Variants in KAZN observed in about 807,000 individuals in gnomAD.
KAZN encodes the protein kazrin.
Under a neutral mutation model 87.4 loss-of-function variants are expected in KAZN, and 40 were observed. That is an observed-to-expected ratio of 0.46 (90% CI 0.36 to 0.60). The LOEUF is 0.60. Ranked by LOEUF, KAZN falls within the 20% of genes least tolerant of loss-of-function variation. KAZN has a pLI of 0.00. For synonymous variants in KAZN, 466 were observed against 458.3 expected (o/e 1.02, Z -0.22); for missense variants, 898 against 1,073.9 (o/e 0.84, Z 2.29).
intron 1 of KAZN, among the ~76,000 whole-genome samples, chr1:14,131,513 T>C (rs7542729): frequency 2.0e-5 from 3 of 151,738 alleles, no homozygotes; most frequent in Admixed American, 1.3e-4. Context: ...ACATTAGATA[T>C]ATGTTTTATT....
At chr1:15,003,523 A>G (rs1668710143) in intron 2 of KAZN, among the ~76,000 whole-genome samples, 1 of 152,228 alleles carries the variant, frequency 6.6e-6, no homozygotes, top group East Asian at 1.9e-4. Flanking sequence ...TTTTAAAAAT[A>G]AAGCAGAGGT....
chr1:15,043,688 G>C (rs1041240473), intron 3 of KAZN, among the ~76,000 whole-genome samples: 2 of 136,252 alleles, frequency 1.5e-5, no homozygotes, highest in Non-Finnish European at 3.0e-5. Context: ...CTGTCGCCCA[G>C]GCTGGAGTGC....
intron 2 of KAZN, among the ~76,000 whole-genome samples, chr1:14,450,185 G>A (rs115487020): frequency 0.012 from 1,751 of 152,112 alleles, 45 homozygotes; most frequent in African/African-American, 0.038. Flanking sequence ...TTTCTTGGCC[G>A]GTCTTCATCC....
intron 1 of KAZN, among the ~76,000 whole-genome samples, chr1:14,827,534 T>C (rs553192120): frequency 6.6e-6 from 1 of 152,262 alleles, no homozygotes; most frequent in Non-Finnish European, 1.5e-5. Context: ...GGGCAGGGAT[T>C]TTATTTGCCT....
intron 1 of KAZN, among the ~76,000 whole-genome samples, chr1:14,717,399 C>T (rs1042320022): frequency 1.3e-5 from 2 of 151,992 alleles, no homozygotes; most frequent in Admixed American, 6.5e-5. Context: ...ATTAGGAGGG[C>T]GATGCTTCCT....
At chr1:13,920,457 G>A (rs531615505) in intron 1 of KAZN, among the ~76,000 whole-genome samples, 6 of 152,046 alleles carry the variant, frequency 3.9e-5, no homozygotes, top group African/African-American at 1.2e-4. Flanking sequence ...GCTTTGCTTC[G>A]AATCTAACTG....
chr1:14,834,661 G>C (rs1002113835), intron 1 of KAZN, among the ~76,000 whole-genome samples: 2 of 152,078 alleles, frequency 1.3e-5, no homozygotes, highest in East Asian at 3.9e-4. Context: ...GCGCCCAGCT[G>C]AAACAACATC....
intron 2 of KAZN, among the ~76,000 whole-genome samples, chr1:14,381,166 G>A (rs1182439054): frequency 1.3e-5 from 2 of 152,072 alleles, no homozygotes; most frequent in Admixed American, 6.6e-5. Context: ...CAAAGAAGCT[G>A]ACTATATAAT....
chr1:14,151,995 A>G (rs1645484841), intron 1 of KAZN, among the ~76,000 whole-genome samples: 1 of 152,222 alleles, frequency 6.6e-6, no homozygotes, highest in African/African-American at 2.4e-5. Context: ...TTCTCTAATA[A>G]AGTTTTTGCC....
At chr1:14,836,859 G>T (rs1009325929) in intron 1 of KAZN, among the ~76,000 whole-genome samples, 5 of 152,082 alleles carry the variant, frequency 3.3e-5, no homozygotes, top group African/African-American at 1.2e-4. Flanking sequence ...ACTTTTAAAT[G>T]GCACTCTTAG....
chr1:14,711,301 G>T (rs1464873735), intron 1 of KAZN, among the ~76,000 whole-genome samples: 1 of 150,996 alleles, frequency 6.6e-6, no homozygotes, highest in African/African-American at 2.4e-5. Context: ...GAGTCCAGGA[G>T]TTCGAGACCA....
intron 1 of KAZN, among the ~76,000 whole-genome samples, chr1:14,098,831 G>A (rs1400777093): frequency 6.6e-6 from 1 of 152,160 alleles, no homozygotes; most frequent in African/African-American, 2.4e-5. Context: ...TCAATTTATA[G>A]TTTTCTCATG....
At chr1:13,905,282 T>TCATG (rs1165993902) in intron 1 of KAZN, among the ~76,000 whole-genome samples, 8 of 152,370 alleles carry the variant, frequency 5.3e-5, no homozygotes, top group African/African-American at 1.7e-4. Context: ...GCTTATTACC[T>TCATG]CATGCACTTT....
rs1421529091 is a variant in KAZN, at chr1:15,036,180, C to T, written c.555+1295C>T. ...GGGACTTCTAGCTGCCCTCAGTGCC[C>T]GACTCGAGAGCAGGGCCCGGCTCCC... On this transcript the variant is annotated intron_variant, in intron 3 of 14. Coordinates refer to ENST00000376030, the MANE Select transcript of KAZN (RefSeq NM_201628.3). Among the ~76,000 whole-genome samples, 4 of 146,174 alleles carry T rather than the reference C, an allele frequency of 2.7e-5. 1 individual carries two copies. The highest frequency in any genetic ancestry group is 4.0e-4 in the East Asian group (2 of 4,982).
At chr1:13,992,190 G>A (rs1465767119) in intron 1 of KAZN, among the ~76,000 whole-genome samples, 2 of 152,128 alleles carry the variant, frequency 1.3e-5, no homozygotes, top group Non-Finnish European at 1.5e-5. Context: ...TAGACTGTAG[G>A]CACCCCAAAT....
At chr1:14,595,349 C>T (rs2148587128), upstream of KAZN, among the ~76,000 whole-genome samples, 1 of 152,152 alleles carries the variant, frequency 6.6e-6, no homozygotes, top group South Asian at 2.1e-4. Flanking sequence ...CTTGAGGTCA[C>T]CTCCGGAGGA....
At chr1:14,289,819 C>T (rs986245743) in intron 2 of KAZN, among the ~76,000 whole-genome samples, 1 of 152,134 alleles carries the variant, frequency 6.6e-6, no homozygotes, top group African/African-American at 2.4e-5. Flanking sequence ...TGGCTGGTAC[C>T]AGTTGTTCCT....
chr1:13,906,135 G>A (rs1332456866), intron 1 of KAZN, among the ~76,000 whole-genome samples: 2 of 152,136 alleles, frequency 1.3e-5, no homozygotes, highest in Non-Finnish European at 2.9e-5. Flanking sequence ...AGAGACCCTT[G>A]TCCCAAATAA....
At position 15,101,456 on chromosome 1, in the gene KAZN, C is replaced by G; in HGVS notation, c.1548-87C>G. The G allele has an allele frequency of 3.5e-6, 3 of 861,594 alleles. No individual in the cohort carries two copies. The Admixed American group carries it at 6.1e-5, about 18-fold the overall frequency. The allele number at this position is 861,594 out of a possible 1,614,324, so 53.4% of individuals were successfully genotyped here. The stretch of plus-strand genomic sequence containing the variant: ...CCCCCAACCCCATTGCTTTTCCTCT[C>G]TCTGCATCTCCACCCATTTCTGCCC... On this transcript the variant is annotated intron_variant, in intron 10 of 14. Coordinates refer to ENST00000376030, the MANE Select transcript of KAZN (RefSeq NM_201628.3).
Sources: gnomAD v4.1 joint callset for allele counts (sites outside exome capture counted in the v4.1 genomes callset) on GRCh38, gnomAD v4.1.1 for gene constraint, MANE v1.5 for transcripts, NCBI Gene and HGNC (gene_info 2026-07-23, HGNC 2026-07-21) for gene names.